Variants in EFCAB7 observed in about 807,000 individuals in gnomAD.
The protein encoded by EFCAB7 is EF-hand calcium-binding domain-containing protein 7.
EFCAB7 carries 66 observed loss-of-function variants against 77.1 expected under a neutral mutation model. That is an observed-to-expected ratio of 0.86 (90% confidence interval 0.70 to 1.05). The LOEUF (loss-of-function observed/expected upper bound fraction) is 1.05, where lower values mean the gene tolerates loss of function less well. Ranked by LOEUF, EFCAB7 falls within the 50% of genes least tolerant of loss-of-function variation. The probability of loss-of-function intolerance (pLI) is 0.00; values close to 1 mark genes in which losing one functional copy is unlikely to be tolerated. For missense variants in EFCAB7, 638 were observed against 730.5 expected, an observed-to-expected ratio of 0.87 and a Z score of 1.46; for synonymous variants, 225 against 243.3, an observed-to-expected ratio of 0.92 and a Z score of 0.70.
At chr1:63,537,104 C>A (rs11208237) in intron 6 of EFCAB7, among the ~76,000 whole-genome samples, 2 of 152,012 alleles carry the variant, frequency 1.3e-5, no homozygotes, top group Non-Finnish European at 2.9e-5. Flanking sequence ...AGGTACTATA[C>A]GCATATTACT....
chr1:63,571,670 C>CAAAAAAA (rs10605515), intron 13 of EFCAB7, among the ~76,000 whole-genome samples: 11 of 65,340 alleles, frequency 1.7e-4, no homozygotes, highest in African/African-American at 5.2e-4. Context: ...GACTCTGTCT[C>CAAAAAAA]AAAAAAAAAA....
At chr1:63,536,296 G>A (rs191717726) in intron 6 of EFCAB7, among the ~76,000 whole-genome samples, 2 of 152,212 alleles carry the variant, frequency 1.3e-5, no homozygotes, top group Non-Finnish European at 1.5e-5. Flanking sequence ...TCTTAGATGA[G>A]CTGAAATTAT....
intron 9 of EFCAB7, among the ~76,000 whole-genome samples, chr1:63,556,775 C>G (rs1286843687): frequency 6.6e-6 from 1 of 151,708 alleles, no homozygotes; most frequent in African/African-American, 2.4e-5. Context: ...GTAATCCCAG[C>G]ACTTTGGGAG....
intron 7 of EFCAB7, chr1:63,548,669 C>T (rs1294117748): frequency 2.6e-5 from 4 of 152,202 alleles, no homozygotes; most frequent in African/African-American, 4.8e-5. Context: ...GCTTGCATCT[C>T]GTCTCTCCTG....
rs775685170 is a variant in EFCAB7, at chr1:63,533,476, C to T, written c.509C>T (p.Thr170Ile). Residue 170 changes from threonine (T) to isoleucine (I), a missense_variant, in exon 5 of 14, where the codon ACC becomes ATC. Transcript: ENST00000371088. ...YIKFCKLYMT[T>I]NEQCLKTTLE... is the part of the protein sequence containing the mutation. ...TAGTTTTGTAAATTATATATGACAA[C>T]CAACGAGCAATGTCTCAAGACTACA... is the stretch of plus-strand genomic sequence containing the variant. 3.7e-6 allele frequency: 6 copies of T among 1,603,154 alleles called. No individual in the cohort carries two copies. The highest frequency in any genetic ancestry group is 5.1e-6 in the Non-Finnish European group (6 of 1,177,106).
intron 11 of EFCAB7, among the ~76,000 whole-genome samples, chr1:63,564,093 T>G (rs1740398): frequency 0.6 from 91,739 of 151,788 alleles, 29,439 homozygotes; most frequent in African/African-American, 0.82. Flanking sequence ...CTTTTGTATA[T>G]GTTAACAGGT....
At chr1:63,559,211 A>G (rs1383293724) in intron 10 of EFCAB7, among the ~76,000 whole-genome samples, 1 of 147,730 alleles carries the variant, frequency 6.8e-6, no homozygotes, top group Non-Finnish European at 1.5e-5. Context: ...CTGAGGCAGG[A>G]GAATCACTTG....
intron 6 of EFCAB7, among the ~76,000 whole-genome samples, chr1:63,542,323 A>G (rs947175674): frequency 5.3e-5 from 8 of 152,108 alleles, no homozygotes; most frequent in Admixed American, 2.0e-4. Context: ...CCTTGTATGT[A>G]TTTACCATGT....
intron 2 of EFCAB7, among the ~76,000 whole-genome samples, chr1:63,526,917 A>C (rs1322491723): frequency 6.6e-6 from 1 of 152,118 alleles, no homozygotes; most frequent in African/African-American, 2.4e-5. Context: ...GTTGCACGCC[A>C]CCATGCCTGG....
At chr1:63,576,304 ACT>A (rs1306495391), downstream of EFCAB7, among the ~76,000 whole-genome samples, 1 of 150,594 alleles carries the variant, frequency 6.6e-6, no homozygotes. Flanking sequence ...ACATGGTGAA[ACT>A]CTGTCTCTAC....
chr1:63,530,723 A>T (rs1646680427), intron 2 of EFCAB7, among the ~76,000 whole-genome samples: 1 of 152,186 alleles, frequency 6.6e-6, no homozygotes, highest in African/African-American at 2.4e-5. Flanking sequence ...GCAAAGGGAT[A>T]CTTTATGTGC....
chr1:63,544,039 G>A (rs1646863318), intron 6 of EFCAB7, among the ~76,000 whole-genome samples: 1 of 144,180 alleles, frequency 6.9e-6, no homozygotes, highest in Admixed American at 7.2e-5. Context: ...GCATGATCAT[G>A]GCTCACTGCA....
chr1:63,551,739 TG>T lies in EFCAB7; in HGVS notation c.963del (p.Trp321CysfsTer40). On this transcript the variant is annotated frameshift_variant, in exon 8 of 14. Transcript: ENST00000371088. LOFTEE classifies it high-confidence loss of function. ...TTTGTTTGTAGGAAAACCATCCCCT[TG>T]GTTATCCGTTGATACTGCCTTGTAT... Reference protein sequence around the residue: ...LSQVEGKPSPWLSVDTALYIL... With the variant: ...LSQVEGKPSPXLSVDTALYIL... 6.5e-7 allele frequency: 1 copy of T among 1,543,676 alleles called. No individual in the cohort carries two copies. The highest frequency in any genetic ancestry group is 1.3e-5 in the South Asian group (1 of 75,094).
At chr1:63,584,081 G>A in the EFCAB7 span, among the ~76,000 whole-genome samples, 2 of 152,126 alleles carry the variant, frequency 1.3e-5, no homozygotes, top group Admixed American at 6.5e-5. Flanking sequence ...TGTGGAAGAA[G>A]ACATAGAAGA....
chr1:63,560,544 T>C (rs1310349621), intron 10 of EFCAB7, among the ~76,000 whole-genome samples: 1 of 137,582 alleles, frequency 7.3e-6, no homozygotes, highest in Non-Finnish European at 1.5e-5. Flanking sequence ...TGAGACTGAG[T>C]CTCACTCTGT....
chr1:63,532,468 GCA>G (rs924369317), intron 3 of EFCAB7, among the ~76,000 whole-genome samples, 200 bp from the exon 4 acceptor site: 2 of 151,982 alleles, frequency 1.3e-5, no homozygotes, highest in Non-Finnish European at 2.9e-5. Context: ...CTGAAATTCA[GCA>G]CACTTTCACA....
intron 11 of EFCAB7, among the ~76,000 whole-genome samples, chr1:63,566,344 C>A (rs1239007216): frequency 2.0e-5 from 3 of 152,154 alleles, no homozygotes; most frequent in Admixed American, 2.0e-4. Context: ...TAGAGCCTAT[C>A]AGAGGGTGAA....
intron 12 of EFCAB7, 156 bp downstream of exon 12, chr1:63,568,675 C>A (rs1647198060): frequency 7.6e-6 from 4 of 525,546 alleles, no homozygotes; most frequent in Non-Finnish European, 1.3e-5. Context: ...GTTTCTAACT[C>A]AAACTGGGAG....
intron 11 of EFCAB7, among the ~76,000 whole-genome samples, chr1:63,566,634 A>T (rs913771997): frequency 7.2e-5 from 11 of 152,126 alleles, no homozygotes; most frequent in African/African-American, 2.4e-4. Context: ...AAAATGGCAG[A>T]ATATTACCAG....
Sources: gnomAD v4.1 joint callset for allele counts (sites outside exome capture counted in the v4.1 genomes callset) on GRCh38, gnomAD v4.1.1 for gene constraint, MANE v1.5 for transcripts, NCBI Gene and HGNC (gene_info 2026-07-23, HGNC 2026-07-21) for gene names.